GRID2: variants seen among roughly 807,000 people sequenced by gnomAD.
The protein encoded by GRID2 is glutamate ionotropic receptor delta type subunit 2.
Under a neutral mutation model 114.8 loss-of-function variants are expected in GRID2, and 33 were observed. That is an observed-to-expected ratio of 0.29 (90% CI 0.22 to 0.38). GRID2 has a LOEUF of 0.38. GRID2 is among the 10% of genes least tolerant of loss of function. The pLI, the probability that GRID2 is intolerant of heterozygous loss-of-function variation, is 1.00. For missense variants in GRID2, 1,184 were observed against 1,257.7 expected (o/e 0.94, Z 0.89); for synonymous variants, 505 against 449.9 (o/e 1.12, Z -1.55).
intron 1 of GRID2, among the ~76,000 whole-genome samples, chr4:92,452,304 G>A (rs1720967675): frequency 6.6e-6 from 1 of 151,916 alleles, no homozygotes; most frequent in Admixed American, 6.6e-5. Context: ...ATTTAGCAAG[G>A]GTAAATCTGT....
chr4:92,785,054 A>G (rs375812352), intron 2 of GRID2, among the ~76,000 whole-genome samples: 7 of 149,150 alleles, frequency 4.7e-5, no homozygotes, highest in African/African-American at 1.5e-4. Context: ...ATTCCAAGCT[A>G]GGGGCAGTTT....
At chr4:93,590,900 G>C (rs2149612495) in intron 13 of GRID2, among the ~76,000 whole-genome samples, 1 of 150,790 alleles carries the variant, frequency 6.6e-6, no homozygotes, top group South Asian at 2.1e-4. Flanking sequence ...TTTGCACATT[G>C]ATTTTGTATC....
At chr4:93,063,437 G>C (rs1227430218) in intron 2 of GRID2, among the ~76,000 whole-genome samples, 1 of 151,784 alleles carries the variant, frequency 6.6e-6, no homozygotes, top group East Asian at 1.9e-4. Context: ...CAGCAAATCT[G>C]CAATTAATTT....
intron 11 of GRID2, among the ~76,000 whole-genome samples, chr4:93,473,332 CA>C (rs1725022607): frequency 6.6e-6 from 1 of 152,152 alleles, no homozygotes; most frequent in Admixed American, 6.5e-5. Flanking sequence ...TTGATACTTT[CA>C]GCTTAACATT....
chr4:92,630,409 C>T (rs1019196702), intron 2 of GRID2, among the ~76,000 whole-genome samples: 1 of 152,080 alleles, frequency 6.6e-6, no homozygotes, highest in Admixed American at 6.6e-5. Context: ...TAACAAGTCT[C>T]TCCTTTTCTG....
intron 4 of GRID2, among the ~76,000 whole-genome samples, chr4:93,126,192 A>G (rs1441768356): frequency 5.9e-5 from 9 of 152,216 alleles, no homozygotes; most frequent in Non-Finnish European, 1.0e-4. Flanking sequence ...GCATTAGTAT[A>G]TTATAGTTAG....
intron 6 of GRID2, among the ~76,000 whole-genome samples, chr4:93,223,788 T>G (rs762829527): frequency 6.6e-6 from 1 of 152,124 alleles, no homozygotes; most frequent in Non-Finnish European, 1.5e-5. Flanking sequence ...TTTTAACTTC[T>G]TTGAAAAATA....
chr4:93,232,283 C>T (rs1482876446), intron 7 of GRID2, among the ~76,000 whole-genome samples: 2 of 151,978 alleles, frequency 1.3e-5, no homozygotes, highest in Non-Finnish European at 2.9e-5. Context: ...AATCACTGGA[C>T]ATTTTCTATG....
At chr4:93,807,063 G>A (rs530202109) in exon 2 of GRID2, 12 of 152,394 alleles carry the variant, frequency 7.9e-5, no homozygotes, top group African/African-American at 2.9e-4. Flanking sequence ...TCATAGAAGA[G>A]TAACGACAGG....
intron 2 of GRID2, among the ~76,000 whole-genome samples, chr4:92,749,997 G>T (rs528038697): frequency 1.3e-5 from 2 of 152,208 alleles, no homozygotes; most frequent in South Asian, 2.1e-4. Context: ...GAGTAGCTGG[G>T]ATTACAGGCA....
chr4:92,917,180 A>G (rs1232903367), intron 2 of GRID2, among the ~76,000 whole-genome samples: 3 of 152,128 alleles, frequency 2.0e-5, no homozygotes, highest in East Asian at 1.9e-4. Flanking sequence ...GTCTGTTCAT[A>G]TCCTTCGCCC....
chr4:92,703,114 TA>T (rs1367814133), intron 2 of GRID2, among the ~76,000 whole-genome samples: 1 of 152,184 alleles, frequency 6.6e-6, no homozygotes, highest in East Asian at 1.9e-4. Flanking sequence ...GACTGCCTTG[TA>T]GAACAATCAA....
chr4:92,750,450 A>T (rs779049827), intron 2 of GRID2, among the ~76,000 whole-genome samples: 66 of 151,368 alleles, frequency 4.4e-4, no homozygotes, highest in Non-Finnish European at 7.8e-4. Context: ...CAAAATAACA[A>T]GGTTATCTAG....
chr4:92,980,306 G>GA (rs1178904583), intron 2 of GRID2, among the ~76,000 whole-genome samples: 2 of 151,298 alleles, frequency 1.3e-5, no homozygotes, highest in African/African-American at 4.8e-5. Flanking sequence ...TTGAGGTTCA[G>GA]AAAAAAAATG....
At chr4:93,263,263 A>G (rs1300388692) in intron 8 of GRID2, among the ~76,000 whole-genome samples, 1 of 151,954 alleles carries the variant, frequency 6.6e-6, no homozygotes, top group Non-Finnish European at 1.5e-5. Flanking sequence ...ACTTAGAAAA[A>G]GTAGTAATTT....
chr4:92,400,327 C>T (rs1730726876), intron 1 of GRID2, among the ~76,000 whole-genome samples: 1 of 152,194 alleles, frequency 6.6e-6, no homozygotes, highest in Admixed American at 6.5e-5. Flanking sequence ...TTTGCTTACT[C>T]TGGACATTTA....
Position 92,792,893 on chromosome 4 carries a change from A to ATTT in GRID2, c.244+202621_244+202623dup, listed in dbSNP as rs11456511. On this transcript the variant is annotated intron_variant, in intron 2 of 15. Coordinates refer to ENST00000282020, the MANE Select transcript of GRID2 (RefSeq NM_001510.4). ...CCAGGACCAGCGACTCATAATATCC[A>ATTT]TTTTTTTTTTTTTTTTGTCATTTTG... 1.2e-3 allele frequency among the ~76,000 whole-genome samples: 165 copies of ATTT among 133,286 alleles called. 1 individual carries two copies. Among genetic ancestry groups the ATTT allele is most frequent in the African/African-American group, 2.0e-3 (74 of 36,704 alleles). 87.4% of individuals were successfully genotyped at this position (133,286 alleles called of 152,430 possible). A position where few individuals can be genotyped will look rare whatever the true frequency, so the allele number is the denominator to read the frequency against.
intron 8 of GRID2, among the ~76,000 whole-genome samples, chr4:93,327,731 T>C (rs1201718072): frequency 7.2e-6 from 1 of 138,358 alleles, no homozygotes; most frequent in Non-Finnish European, 1.5e-5. Context: ...AAATGGAGAC[T>C]GGAAGGGTGG....
At chr4:92,605,329 C>T (rs1484465089) in intron 2 of GRID2, among the ~76,000 whole-genome samples, 1 of 151,856 alleles carries the variant, frequency 6.6e-6, no homozygotes, top group Admixed American at 6.6e-5. Flanking sequence ...CATAATTGTT[C>T]ACTTATTTGT....
Sources: allele counts gnomAD v4.1 joint callset (sites outside exome capture counted in the v4.1 genomes callset), GRCh38; gene constraint gnomAD v4.1.1; transcripts MANE v1.5; gene names NCBI Gene and HGNC (gene_info 2026-07-23, HGNC 2026-07-21).